Variants in CSGALNACT1 observed in about 807,000 individuals in gnomAD.
CSGALNACT1 encodes beta4GalNAcT-1.
In CSGALNACT1, 52 loss-of-function variants were observed where a neutral mutation model predicts 51.0. That is an observed-to-expected ratio of 1.02 (90% CI 0.82 to 1.29). The LOEUF (loss-of-function observed/expected upper bound fraction) is 1.29. Ranked by LOEUF, CSGALNACT1 falls within the 50% of genes most tolerant of loss-of-function variation. The probability of loss-of-function intolerance (pLI) is 0.00; values close to 1 mark genes in which losing one functional copy is unlikely to be tolerated. For missense variants in CSGALNACT1, 935 were observed against 679.2 expected (o/e 1.38, Z -4.19); for synonymous variants, 341 against 254.4 (o/e 1.34, Z -3.24).
intron 6 of CSGALNACT1, among the ~76,000 whole-genome samples, chr8:19,438,858 C>T (rs1056638621): frequency 7.2e-5 from 11 of 152,154 alleles, no homozygotes; most frequent in African/African-American, 2.7e-4. Flanking sequence ...AAACTAGTAA[C>T]AAAGCATAAA....
intron 1 of CSGALNACT1, among the ~76,000 whole-genome samples, chr8:19,611,356 G>A (rs2052230867): frequency 1.3e-5 from 2 of 152,114 alleles, no homozygotes; most frequent in Non-Finnish European, 2.9e-5. Context: ...CACCACACCC[G>A]GTTTAAGGTT....
rs79358037 is a variant in CSGALNACT1, at chr8:19,578,369, T to C, written c.-297+12791A>G. Among the ~76,000 whole-genome samples, 5 of 152,306 alleles carry C rather than the reference T, an allele frequency of 3.3e-5. No individual in the cohort carries two copies. The East Asian group carries it at 7.7e-4, about 24-fold the overall frequency. On this transcript the variant is annotated intron_variant, in intron 3 of 9. Transcript: ENST00000454498. ...TCTGGGACTTTGTGTACATCCTTCC[T>C]GTACTTAGGAATCAGCCACCTGTGA... is the stretch of plus-strand genomic sequence containing the variant.
At chr8:19,520,616 G>C (rs1457303602) in intron 3 of CSGALNACT1, among the ~76,000 whole-genome samples, 1 of 152,228 alleles carries the variant, frequency 6.6e-6, no homozygotes, top group Non-Finnish European at 1.5e-5. Context: ...TGCACAGATA[G>C]ATGCCACATG....
At chr8:19,506,244 GA>G (rs1446631322) in intron 3 of CSGALNACT1, 114 bp from the exon 3 acceptor site, 1 of 383,374 alleles carries the variant, frequency 2.6e-6, no homozygotes, top group Non-Finnish European at 5.1e-6. Context: ...AAATGCCTAT[GA>G]TAGATGATTA....
intron 1 of CSGALNACT1, among the ~76,000 whole-genome samples, chr8:19,669,360 C>G (rs2059614595): frequency 6.6e-6 from 1 of 152,222 alleles, no homozygotes; most frequent in Non-Finnish European, 1.5e-5. Flanking sequence ...ATGGAGGACA[C>G]TATCATAAAA....
At chr8:19,626,280 A>C (rs1323830200) in intron 1 of CSGALNACT1, among the ~76,000 whole-genome samples, 2 of 152,234 alleles carry the variant, frequency 1.3e-5, no homozygotes, top group Admixed American at 6.5e-5. Flanking sequence ...AAGAATGGCC[A>C]GCACATTTAT....
chr8:19,621,658 G>A (rs1007317233), intron 1 of CSGALNACT1, among the ~76,000 whole-genome samples: 1 of 151,998 alleles, frequency 6.6e-6, no homozygotes, highest in Non-Finnish European at 1.5e-5. Flanking sequence ...GCAAGCACCT[G>A]CAGTCCCAGC....
At chr8:19,477,604 C>T (rs1412318623) in intron 4 of CSGALNACT1, among the ~76,000 whole-genome samples, 1 of 152,182 alleles carries the variant, frequency 6.6e-6, no homozygotes, top group African/African-American at 2.4e-5. Context: ...TAGTAATTAT[C>T]TTAAAACTAA....
chr8:19,682,691 C>A, upstream of CSGALNACT1: 1 of 454,106 alleles, frequency 2.2e-6, no homozygotes. Flanking sequence ...TCTTGGGTTA[C>A]TCACCTCCGT....
intron 3 of CSGALNACT1, among the ~76,000 whole-genome samples, chr8:19,543,728 T>A (rs2085799622): frequency 6.6e-6 from 1 of 152,180 alleles, no homozygotes; most frequent in South Asian, 2.1e-4. Context: ...ACTACACTCA[T>A]CTCTTTTTCC....
chr8:19,619,308 C>T (rs955140473), intron 1 of CSGALNACT1, among the ~76,000 whole-genome samples: 2 of 151,292 alleles, frequency 1.3e-5, no homozygotes, highest in African/African-American at 4.9e-5. Context: ...GAGTTTGGAA[C>T]CTGTGAGGAA....
At chr8:19,424,829 G>C (rs1328562939) in intron 6 of CSGALNACT1, among the ~76,000 whole-genome samples, 1 of 152,168 alleles carries the variant, frequency 6.6e-6, no homozygotes, top group Non-Finnish European at 1.5e-5. Context: ...GTGATGGTGT[G>C]GTTTGGGAAG....
intron 1 of CSGALNACT1, among the ~76,000 whole-genome samples, chr8:19,717,892 A>T (rs756231984): frequency 1.3e-5 from 2 of 152,062 alleles, no homozygotes; most frequent in Non-Finnish European, 2.9e-5. Context: ...CGGCATTGCT[A>T]ACCTAGTCTA....
At chr8:19,700,017 C>G (rs948056325) in intron 1 of CSGALNACT1, among the ~76,000 whole-genome samples, 5 of 150,046 alleles carry the variant, frequency 3.3e-5, no homozygotes, top group African/African-American at 1.2e-4. Context: ...GAGGCTGAGG[C>G]AGGAGAATCA....
At chr8:19,596,882 G>C (rs11204055) in intron 2 of CSGALNACT1, among the ~76,000 whole-genome samples, 97,034 of 151,862 alleles carry the variant, frequency 0.64, 32,847 homozygotes, top group East Asian at 0.84. Flanking sequence ...CAGTCCAGTA[G>C]CATTAAATAC....
intron 3 of CSGALNACT1, among the ~76,000 whole-genome samples, chr8:19,564,352 C>T (rs1396731352): frequency 1.3e-5 from 2 of 151,986 alleles, no homozygotes; most frequent in Admixed American, 6.6e-5. Context: ...ATGCCTAGTC[C>T]CATCCTCAGA....
At chr8:19,515,405 C>T (rs771227676) in intron 3 of CSGALNACT1, among the ~76,000 whole-genome samples, 1 of 152,166 alleles carries the variant, frequency 6.6e-6, no homozygotes, top group African/African-American at 2.4e-5. Context: ...CAGCACTGAC[C>T]CAGCCCAGGG....
intron 1 of CSGALNACT1, among the ~76,000 whole-genome samples, chr8:19,612,313 A>T (rs2052372971): frequency 6.6e-6 from 1 of 151,762 alleles, no homozygotes; most frequent in Admixed American, 6.6e-5. Flanking sequence ...ACTGCACTCC[A>T]GCCTGGATGG....
chr8:19,419,079 C>T (rs757771287), intron 7 of CSGALNACT1, among the ~76,000 whole-genome samples: 67 of 152,132 alleles, frequency 4.4e-4, no homozygotes, highest in Non-Finnish European at 9.0e-4. Context: ...CTCCTGATCT[C>T]AAATGATCCA....
Sources: allele counts gnomAD v4.1 joint callset (sites outside exome capture counted in the v4.1 genomes callset), GRCh38; gene constraint gnomAD v4.1.1; transcripts MANE v1.5; gene names NCBI Gene and HGNC (gene_info 2026-07-23, HGNC 2026-07-21).